Variants in ARHGAP6 observed in about 807,000 individuals in gnomAD.
The protein encoded by ARHGAP6 is Rho GTPase activating protein 6, also known as rho GTPase-activating protein 6.
A neutral mutation model predicts 55.7 loss-of-function variants in ARHGAP6; 16 were observed. That is an observed-to-expected ratio of 0.29 (90% confidence interval 0.19 to 0.44). The LOEUF is 0.44. ARHGAP6 is among the 20% of genes least tolerant of loss of function. ARHGAP6 has a pLI of 1.00. For missense variants in ARHGAP6, 698 were observed against 808.9 expected (o/e 0.86, Z 1.66); for synonymous variants, 382 against 360.9 (o/e 1.06, Z -0.66).
intron 1 of ARHGAP6, among the ~76,000 whole-genome samples, chrX:11,343,069 A>G (rs2048726933): frequency 8.9e-6 from 1 of 112,625 alleles, no homozygotes; most frequent in African/African-American, 3.2e-5. Flanking sequence ...ATACACTTCA[A>G]TAAAATTTTA....
At chrX:11,563,623 T>C (rs745663133) in intron 1 of ARHGAP6, among the ~76,000 whole-genome samples, 1 of 111,396 alleles carries the variant, frequency 9.0e-6, no homozygotes, top group East Asian at 2.8e-4. Context: ...CAAACATTCA[T>C]CATTCATAAC....
rs754720928 is a variant in ARHGAP6 at position 11,193,486 on chromosome X, CAGGGCTTT to C, written c.820+3431_820+3438del. On this transcript the variant is annotated intron_variant, in intron 3 of 12. Transcript: ENST00000337414. ...TAATGACTCTCAGTGTTGACATGGACAGGGCTTTATGTTCTGAAAAGATGCCATGTAAT... is the reference window on the plus strand; with the variant it reads ...TAATGACTCTCAGTGTTGACATGGACATGTTCTGAAAAGATGCCATGTAAT... Among the ~76,000 whole-genome samples the C allele has an allele frequency of 6.5e-4, 74 of 113,147 alleles. No individual in the cohort carries two copies. The Middle Eastern group carries it at 0.023, about 35-fold the overall frequency.
chrX:11,628,534 G>A (rs2052325372), intron 1 of ARHGAP6, among the ~76,000 whole-genome samples: 2 of 112,434 alleles, frequency 1.8e-5, no homozygotes, highest in African/African-American at 6.5e-5. Flanking sequence ...TTTTGCATAC[G>A]TGCAAATGGT....
In ARHGAP6 at chrX:11,138,799, C is replaced by T; in HGVS notation, c.*64G>A. ...ACTAAGTGTGCCAGTGGCCACCACC[C>T]ACGGTCCCCCCTGGGCTGGAGGGCG... On this transcript the variant is annotated 3_prime_UTR_variant, in exon 13 of 13. Transcript: ENST00000337414. 1 of 1,099,848 alleles carries T rather than the reference C, an allele frequency of 9.1e-7. No homozygotes were observed. Among genetic ancestry groups the T allele is most frequent in the East Asian group, 3.3e-5 (1 of 30,639 alleles). 90.6% of individuals were successfully genotyped at this position (1,099,848 alleles called of 1,213,427 possible).
chrX:11,504,394 C>G (rs10126565), intron 1 of ARHGAP6, among the ~76,000 whole-genome samples: 22,082 of 110,385 alleles, frequency 0.2, 1,749 homozygotes, highest in Middle Eastern at 0.32. Flanking sequence ...CCTCTTCCCC[C>G]CAGGTGCCAG....
chrX:11,617,046 T>G (rs951271492), intron 1 of ARHGAP6, among the ~76,000 whole-genome samples: 6 of 112,178 alleles, frequency 5.3e-5, no homozygotes, highest in African/African-American at 1.9e-4. Context: ...GTTAGAGCCA[T>G]GAACCACATG....
intron 2 of ARHGAP6, among the ~76,000 whole-genome samples, chrX:11,220,471 C>T (rs1278739254): frequency 2.7e-5 from 3 of 110,872 alleles, no homozygotes; most frequent in Non-Finnish European, 5.7e-5. Flanking sequence ...GAGTGGGGGC[C>T]AATATTCAAC....
intron 1 of ARHGAP6, among the ~76,000 whole-genome samples, chrX:11,282,803 G>A (rs1438868308): frequency 1.8e-5 from 2 of 111,849 alleles, no homozygotes; most frequent in Non-Finnish European, 1.9e-5. Context: ...AAAGCTACAC[G>A]AATGGTTCAA....
At chrX:11,378,891 T>C (rs1187547248) in intron 1 of ARHGAP6, among the ~76,000 whole-genome samples, 3 of 112,896 alleles carry the variant, frequency 2.7e-5, no homozygotes, top group Non-Finnish European at 5.6e-5. Flanking sequence ...CAAGCCAACT[T>C]TCTCGTGATC....
chrX:11,449,488 C>T (rs906358257), intron 1 of ARHGAP6, among the ~76,000 whole-genome samples: 1 of 112,058 alleles, frequency 8.9e-6, no homozygotes, highest in African/African-American at 3.2e-5. Flanking sequence ...CTTCTAGGCT[C>T]GAGCTCTAAA....
chrX:11,200,988 G>T (rs751501946), intron 2 of ARHGAP6, among the ~76,000 whole-genome samples: 6 of 112,020 alleles, frequency 5.4e-5, no homozygotes, highest in Non-Finnish European at 1.1e-4. Flanking sequence ...CTCTTCCGGG[G>T]TGCTGAGCAT....
At chrX:11,433,451 C>T (rs1378337853) in intron 1 of ARHGAP6, among the ~76,000 whole-genome samples, 1 of 111,954 alleles carries the variant, frequency 8.9e-6, no homozygotes, top group African/African-American at 3.2e-5. Context: ...TAAAAAGAGA[C>T]ATTTCTAATA....
chrX:11,170,894 A>G (rs2046081122), intron 8 of ARHGAP6, among the ~76,000 whole-genome samples: 1 of 111,358 alleles, frequency 9.0e-6, no homozygotes, highest in Non-Finnish European at 1.9e-5. Flanking sequence ...AGAAGAAATG[A>G]CAGGGGAGTT....
At chrX:11,261,087 T>C (rs2047555126) in intron 1 of ARHGAP6, among the ~76,000 whole-genome samples, 1 of 111,702 alleles carries the variant, frequency 9.0e-6, no homozygotes, top group Non-Finnish European at 1.9e-5. Flanking sequence ...GTTAAATAAA[T>C]TGGAAACCTA....
At chrX:11,539,991 C>G (rs2051141206) in intron 1 of ARHGAP6, among the ~76,000 whole-genome samples, 1 of 111,186 alleles carries the variant, frequency 9.0e-6, no homozygotes, top group Admixed American at 9.6e-5. Flanking sequence ...TACGGTGGCT[C>G]ATGCCTGTAA....
chrX:11,443,657 G>A (rs750493422), intron 1 of ARHGAP6, among the ~76,000 whole-genome samples: 2 of 112,485 alleles, frequency 1.8e-5, no homozygotes, highest in Non-Finnish European at 3.8e-5. Flanking sequence ...TACCAGGTGC[G>A]GTGGCTCACG....
intron 8 of ARHGAP6, among the ~76,000 whole-genome samples, chrX:11,177,746 C>T (rs144663875): frequency 0.026 from 2,859 of 111,937 alleles, 98 homozygotes; most frequent in African/African-American, 0.089. Flanking sequence ...ATAAGGATAA[C>T]AATCTCCTCC....
chrX:11,646,307 A>G (rs1384014281), intron 1 of ARHGAP6, among the ~76,000 whole-genome samples: 1 of 111,492 alleles, frequency 9.0e-6, no homozygotes, highest in African/African-American at 3.3e-5. Context: ...ATGAGATGTA[A>G]ATGGAGACAC....
At chrX:11,332,455 G>T in intron 1 of ARHGAP6, among the ~76,000 whole-genome samples, 1 of 111,961 alleles carries the variant, frequency 8.9e-6, no homozygotes, top group African/African-American at 3.2e-5. Flanking sequence ...ACAGGGTACA[G>T]ACAGCAGAAA....
Sources: allele counts gnomAD v4.1 joint callset (sites outside exome capture counted in the v4.1 genomes callset), GRCh38; gene constraint gnomAD v4.1.1; transcripts MANE v1.5; gene names NCBI Gene and HGNC (gene_info 2026-07-23, HGNC 2026-07-21).